PDE4A: variants seen among roughly 807,000 people sequenced by gnomAD.
The protein encoded by PDE4A is phosphodiesterase 4A.
In PDE4A, 21 loss-of-function variants were observed where a neutral mutation model predicts 73.9. That is an observed-to-expected ratio of 0.28 (90% CI 0.20 to 0.41). The LOEUF is 0.41. Ranked by LOEUF, PDE4A falls within the 10% of genes least tolerant of loss-of-function variation. PDE4A has a pLI of 1.00. For missense variants in PDE4A, 958 were observed against 1,211.4 expected (o/e 0.79, Z 3.10); for synonymous variants, 463 against 505.4 (o/e 0.92, Z 1.13).
intron 13 of PDE4A, 147 bp from the exon 14 acceptor site, chr19:10,463,646 C>T: frequency 7.1e-7 from 1 of 1,398,940 alleles, no homozygotes; most frequent in South Asian, 1.4e-5. Context: ...CATGATCCAC[C>T]CGCCTCAGCA....
rs201306566 is a variant in PDE4A, at chr19:10,450,826, T to C, written c.671-3T>C. 6.9e-5 allele frequency: 111 copies of C among 1,606,356 alleles called. No individual in the cohort carries two copies. The African/African-American group carries it at 1.3e-3, about 19-fold the overall frequency. On this transcript the variant is annotated splice_region_variant and splice_polypyrimidine_tract_variant and intron_variant, in intron 5 of 14. Transcript: ENST00000380702. The stretch of plus-strand genomic sequence containing the variant: ...GTCACTACCCTGGCTGCCCCTTCCT[T>C]AGAAGAAACGTGTCAGCAGTTGGCC...
upstream of PDE4A, chr19:10,418,965 TGGG>T: frequency 2.0e-6 from 2 of 980,628 alleles, no homozygotes; most frequent in Non-Finnish European, 2.4e-6. Context: ...CGGCTGCTGA[TGGG>T]GGGGCCGGTT....
At chr19:10,440,472 G>A (rs1229843989) in intron 1 of PDE4A, among the ~76,000 whole-genome samples, 1 of 152,144 alleles carries the variant, frequency 6.6e-6, no homozygotes, top group African/African-American at 2.4e-5. Flanking sequence ...TGCCCAGGCT[G>A]GTGTGCAGTG....
chr19:10,453,092 G>A lies in PDE4A; in HGVS notation c.784-1737G>A. 1 of 1,345,632 alleles carries A rather than the reference G, an allele frequency of 7.4e-7. No homozygotes were observed. The highest frequency in any genetic ancestry group is 9.5e-7 in the Non-Finnish European group (1 of 1,050,578). The allele number at this position is 1,345,632 out of a possible 1,614,324, so 83.4% of individuals were successfully genotyped here. On this transcript the variant is annotated intron_variant, in intron 6 of 14. Coordinates refer to ENST00000380702, the MANE Select transcript of PDE4A (RefSeq NM_001111307.2). The surrounding 1 kb of genome is among the most constrained non-coding windows in gnomAD (Gnocchi z 4.6). ...GCCATGTAACCAGGGCTGCTGCTGG[G>A]AGCGCGGAGGGGAAGGGAGCCCCCA...
chr19:10,428,569 T>C (rs1188709857), intron 1 of PDE4A, among the ~76,000 whole-genome samples: 3 of 152,222 alleles, frequency 2.0e-5, no homozygotes, highest in Non-Finnish European at 2.9e-5. Context: ...TGTCAAATAC[T>C]GATAATAACT....
chr19:10,464,703 C>A (rs2043334347), intron 14 of PDE4A, among the ~76,000 whole-genome samples: 1 of 151,130 alleles, frequency 6.6e-6, no homozygotes, highest in African/African-American at 2.4e-5. Flanking sequence ...CCATACCCGG[C>A]CTTGTTTTCA....
chr19:10,420,935 G>C lies in PDE4A; in HGVS notation c.171G>C (p.Arg57=), dbSNP rs1254801239. The part of the protein sequence containing the change: ...GYSDSAERAE[R]ERQPHRPIER... ...CCGACAGCGCGGAGCGCGCCGAGCG[G>C]GAGCGGCAGCCGCACCGGCCCATAG... The change falls in exon 1 of 15, where the codon CGG becomes CGC. Residue 57 remains arginine, a synonymous_variant. Coordinates refer to ENST00000380702, the MANE Select transcript of PDE4A (RefSeq NM_001111307.2). The surrounding 1 kb of genome is among the most constrained non-coding windows in gnomAD (Gnocchi z 6.0). 1 of 1,573,546 alleles carries C rather than the reference G, an allele frequency of 6.4e-7. No individual in the cohort carries two copies. Among genetic ancestry groups the C allele is most frequent in the Non-Finnish European group, 8.6e-7 (1 of 1,168,924 alleles).
chr19:10,459,735 A>T lies in PDE4A; in HGVS notation c.1341A>T (p.Val447=). ...HAADVLQSTH[V]LLATPALDAV... is the part of the protein sequence containing the mutation. ...CTGACGTGCTGCAGTCCACCCACGT[A>T]CTGCTGGCCACGCCTGCACTAGATG... The change falls in exon 10 of 15, where the codon GTA becomes GTT. Residue 447 remains valine, a synonymous_variant. Coordinates refer to ENST00000380702, the MANE Select transcript of PDE4A (RefSeq NM_001111307.2). The T allele has an allele frequency of 6.2e-7, 1 of 1,612,864 alleles. No homozygotes were observed. The highest frequency in any genetic ancestry group is 2.2e-5 in the East Asian group (1 of 44,850).
At chr19:10,432,246 G>A (rs1003124447) in intron 1 of PDE4A, among the ~76,000 whole-genome samples, 1 of 147,580 alleles carries the variant, frequency 6.8e-6, no homozygotes, top group East Asian at 2.1e-4. Context: ...CAGAGCGCCC[G>A]TGCGCTCCCC....
chr19:10,462,415 C>G (rs1456958388), intron 13 of PDE4A, among the ~76,000 whole-genome samples: 1 of 151,140 alleles, frequency 6.6e-6, no homozygotes, highest in Non-Finnish European at 1.5e-5. Flanking sequence ...CCCGCCTTGG[C>G]CTCCCAAAGT....
At chr19:10,421,666 T>C (rs1459220332) in intron 1 of PDE4A, among the ~76,000 whole-genome samples, 3 of 151,970 alleles carry the variant, frequency 2.0e-5, no homozygotes, top group Non-Finnish European at 2.9e-5. Flanking sequence ...TTGCGTTAGA[T>C]TGGAGTTCCC....
At chr19:10,441,003 G>T (rs1489932684) in intron 1 of PDE4A, among the ~76,000 whole-genome samples, 1 of 151,394 alleles carries the variant, frequency 6.6e-6, no homozygotes, top group Non-Finnish European at 1.5e-5. Flanking sequence ...CTCCCAAAGT[G>T]CTGGGATTAC....
chr19:10,458,099 C>T lies in PDE4A; in HGVS notation c.1098C>T (p.Ala366=). The change falls in exon 8 of 15, where the codon GCC becomes GCT. Residue 366 remains alanine, a synonymous_variant. Coordinates refer to ENST00000380702, the MANE Select transcript of PDE4A (RefSeq NM_001111307.2). This position sits in a 1 kb window ranked among gnomAD's most constrained non-coding sequence, Gnocchi z 4.6. The part of the protein sequence containing the change: ...GVKTDQEELL[A]QELENLNKWG... ...AGACCGATCAAGAAGAGCTCCTGGC[C>T]CAAGTGGGTGGGGGCTCAGTAGGGG... 2 of 1,613,618 alleles carry T rather than the reference C, an allele frequency of 1.2e-6. No homozygotes were observed. The highest frequency in any genetic ancestry group is 8.5e-7 in the Non-Finnish European group (1 of 1,179,992).
rs1599436722 is a variant in PDE4A, at chr19:10,450,936, C to T, written c.778C>T (p.His260Tyr). The T allele has an allele frequency of 1.3e-6, 2 of 1,595,704 alleles. No individual in the cohort carries two copies. Among genetic ancestry groups the T allele is most frequent in the East Asian group, 4.5e-5 (2 of 44,010 alleles). ...TYRSVSEMAS[H>Y]KFKRMLNREL... is the part of the protein sequence containing the mutation. ...TCGCTCTGTCAGCGAGATGGCCTCG[C>T]ACAAGGTGTGCAGGTGGTGGGCAGA... is the stretch of plus-strand genomic sequence containing the variant. The change falls in exon 6 of 15, where the codon CAC (histidine) becomes TAC (tyrosine). Residue 260 changes from histidine to tyrosine, a missense_variant. Coordinates refer to ENST00000380702, the MANE Select transcript of PDE4A (RefSeq NM_001111307.2).
Position 10,467,328 on chromosome 19 carries a change from C to T in PDE4A, c.2368C>T (p.Pro790Ser), listed in dbSNP as rs199862263. ...TQQAQSTGSA[P>S]VAPDEFSSRE... ...GCAGGCACAGTCCACAGGCAGTGCA[C>T]CTGTGGCTCCGGATGAGTTCTCGTC... The change falls in exon 15 of 15, where the codon CCT becomes TCT. Residue 790 changes from proline (P) to serine (S), a missense_variant. Transcript: ENST00000380702. 8.7e-6 allele frequency: 14 copies of T among 1,614,166 alleles called. No individual in the cohort carries two copies. The highest frequency in any genetic ancestry group is 1.2e-5 in the Non-Finnish European group (14 of 1,180,018).
At chr19:10,450,737 C>G in intron 5 of PDE4A, 85 bp downstream of exon 5, 12 of 1,583,006 alleles carry the variant, frequency 7.6e-6, no homozygotes, top group Non-Finnish European at 9.4e-6. Flanking sequence ...CAGCAGTCCA[C>G]TCACCTGGCG....
chr19:10,467,804 C>A lies in PDE4A; in HGVS notation c.*183C>A. ...TTTCCCCCTGCCCCCACCCACGGGG[C>A]CTTTTTTTGGAGGTGGGGGCTGGGG... On this transcript the variant is annotated 3_prime_UTR_variant, in exon 15 of 15. Coordinates refer to ENST00000380702, the MANE Select transcript of PDE4A (RefSeq NM_001111307.2). 2.2e-6 allele frequency: 1 copy of A among 445,916 alleles called. No individual in the cohort carries two copies. Among genetic ancestry groups the A allele is most frequent in the Non-Finnish European group, 3.8e-6 (1 of 260,508 alleles). The allele number at this position is 445,916 out of a possible 1,614,324, so 27.6% of individuals were successfully genotyped here.
chr19:10,465,282 G>A (rs1287707361), intron 14 of PDE4A, among the ~76,000 whole-genome samples: 1 of 150,508 alleles, frequency 6.6e-6, no homozygotes. Context: ...GTACAGTGGT[G>A]CAGTCTCAGC....
In PDE4A at chr19:10,450,847, T is replaced by G; in HGVS notation, c.689T>G (p.Leu230Trp). 1 of 1,611,198 alleles carries G rather than the reference T, an allele frequency of 6.2e-7. No individual in the cohort carries two copies. The highest frequency in any genetic ancestry group is 8.5e-7 in the Non-Finnish European group (1 of 1,178,778). Residue 230 changes from leucine (L) to tryptophan (W), a missense_variant, in exon 6 of 15, where the codon TTG (leucine) becomes TGG (tryptophan). Leu to Trp is a moderately conservative substitution (Grantham distance 61). Coordinates refer to ENST00000380702, the MANE Select transcript of PDE4A (RefSeq NM_001111307.2). ...ATLSEETCQQ[L>W]ARETLEELDW... ...TCCTTAGAAGAAACGTGTCAGCAGT[T>G]GGCCCGGGAGACTCTGGAGGAGCTG...
Sources: gnomAD v4.1 joint callset for allele counts (sites outside exome capture counted in the v4.1 genomes callset) on GRCh38, gnomAD v4.1.1 for gene constraint, Gnocchi (gnomAD v3.1) non-coding constraint, MANE v1.5 for transcripts, NCBI Gene and HGNC (gene_info 2026-07-23, HGNC 2026-07-21) for gene names.